The following ASTN1 variants were observed in gnomAD, a reference collection of about 807,000 sequenced individuals.
ASTN1 encodes the protein astrotactin 1.
In ASTN1, 41 loss-of-function variants were observed where a neutral mutation model predicts 140.7. That is an observed-to-expected ratio of 0.29 (90% CI 0.23 to 0.38). The LOEUF (loss-of-function observed/expected upper bound fraction) is 0.38, where lower values mean the gene tolerates loss of function less well. Ranked by LOEUF, ASTN1 falls within the 10% of genes least tolerant of loss-of-function variation. The pLI is 1.00. For synonymous variants in ASTN1, 640 were observed against 652.2 expected, an observed-to-expected ratio of 0.98 and a Z score of 0.29; for missense variants, 1,479 against 1,678.8, an observed-to-expected ratio of 0.88 and a Z score of 2.08.
chr1:177,015,698 A>AT lies in ASTN1; in HGVS notation c.1439-824dup, dbSNP rs558720236. ...CAAAACTGTATATGTGTGTATATGC[A>AT]TTTTTTTTGAGGCAGGGTCCCATAA... On this transcript the variant is annotated intron_variant, in intron 7 of 22. Transcript: ENST00000361833. Among the ~76,000 whole-genome samples the AT allele has an allele frequency of 3.9e-3, 595 of 152,048 alleles. 3 individuals are homozygous for AT. Among genetic ancestry groups the AT allele is most frequent in the Non-Finnish European group, 4.9e-3 (335 of 67,974 alleles).
At chr1:176,982,699 T>C (rs1363414286) in intron 8 of ASTN1, among the ~76,000 whole-genome samples, 6 of 152,158 alleles carry the variant, frequency 3.9e-5, no homozygotes, top group Non-Finnish European at 8.8e-5. Flanking sequence ...ATTTAGTATG[T>C]CTGATATGGG....
At chr1:176,951,275 C>T (rs1672181932) in intron 11 of ASTN1, among the ~76,000 whole-genome samples, 1 of 152,242 alleles carries the variant, frequency 6.6e-6, no homozygotes, top group East Asian at 1.9e-4. Flanking sequence ...TAGCCTCCCA[C>T]TAATCATATT....
rs562466484 is a variant in ASTN1 at position 177,109,981 on chromosome 1, T to C, written c.284-48716A>G. Among the ~76,000 whole-genome samples the C allele has an allele frequency of 2.6e-5, 4 of 152,338 alleles. No homozygotes were observed. The South Asian group carries it at 6.2e-4, about 24-fold the overall frequency. On this transcript the variant is annotated intron_variant, in intron 1 of 22. Coordinates refer to ENST00000361833, the MANE Select transcript of ASTN1 (RefSeq NM_004319.3). ...GGCATCTTTCATCTTTAATTATACTTCTGAATATTTTCCTCTTATGCTACT... is the reference window on the plus strand; with the variant it reads ...GGCATCTTTCATCTTTAATTATACTCCTGAATATTTTCCTCTTATGCTACT...
At chr1:177,112,929 T>C (rs1288000185) in intron 1 of ASTN1, among the ~76,000 whole-genome samples, 1 of 152,172 alleles carries the variant, frequency 6.6e-6, no homozygotes, top group African/African-American at 2.4e-5. Flanking sequence ...TTGTGAAGGT[T>C]CTCTTTCATA....
At position 177,046,113 on chromosome 1, in the gene ASTN1, C is replaced by T. The variant is rs905791590; in HGVS notation, c.472-13264G>A. Among the ~76,000 whole-genome samples, 9 of 152,226 alleles carry T rather than the reference C, an allele frequency of 5.9e-5. No homozygotes were observed. In the East Asian group the frequency reaches 7.8e-4, roughly 13 times the overall value. On this transcript the variant is annotated intron_variant, in intron 2 of 22. Transcript: ENST00000361833. Reference sequence around the variant, plus strand: ...AACACTGTCAGGACCAACACTTTTCCATAGTTTTTTCTGCCACCACACCAT... The same window carrying T: ...AACACTGTCAGGACCAACACTTTTCTATAGTTTTTTCTGCCACCACACCAT...
At chr1:177,080,328 T>C (rs945749574) in intron 1 of ASTN1, among the ~76,000 whole-genome samples, 8 of 144,670 alleles carry the variant, frequency 5.5e-5, no homozygotes, top group African/African-American at 2.1e-4. Flanking sequence ...CAAAATAAAA[T>C]GAGCATCAGG....
intron 3 of ASTN1, 112 bp from the exon 4 acceptor site, chr1:177,031,064 A>G: frequency 8.4e-7 from 1 of 1,191,210 alleles, no homozygotes; most frequent in South Asian, 1.8e-5. Flanking sequence ...TTGAAATAAG[A>G]CACCAGCAAA....
intron 1 of ASTN1, among the ~76,000 whole-genome samples, chr1:177,142,837 T>C (rs1340803789): frequency 7.0e-6 from 1 of 143,420 alleles, no homozygotes; most frequent in African/African-American, 2.7e-5. Flanking sequence ...TCACTAACAA[T>C]GAGAACATGC....
At chr1:176,999,466 A>G (rs1262253156) in intron 8 of ASTN1, among the ~76,000 whole-genome samples, 2 of 152,238 alleles carry the variant, frequency 1.3e-5, no homozygotes, top group African/African-American at 4.8e-5. Context: ...CTAGATGGAA[A>G]TATGTTCAAT....
chr1:177,111,339 G>A (rs896068078), intron 1 of ASTN1, among the ~76,000 whole-genome samples: 1 of 152,020 alleles, frequency 6.6e-6, no homozygotes, highest in African/African-American at 2.4e-5. Flanking sequence ...AGGCAATACC[G>A]ATGTCACCTA....
chr1:176,943,603 C>G (rs1281640353), intron 14 of ASTN1, among the ~76,000 whole-genome samples: 1 of 152,134 alleles, frequency 6.6e-6, no homozygotes, highest in East Asian at 1.9e-4. Context: ...CCTCTAATCC[C>G]CCAAGAACTC....
At chr1:177,009,446 T>A (rs1257254992) in intron 8 of ASTN1, among the ~76,000 whole-genome samples, 1 of 152,230 alleles carries the variant, frequency 6.6e-6, no homozygotes. Context: ...CCAGTCATGA[T>A]GAACACAGTC....
intron 2 of ASTN1, among the ~76,000 whole-genome samples, chr1:177,046,285 T>C (rs980803117): frequency 3.9e-5 from 6 of 152,196 alleles, no homozygotes; most frequent in African/African-American, 1.4e-4. Flanking sequence ...GACCTTATTA[T>C]AGGTCATTTA....
At chr1:177,060,660 C>A (rs1571724330) in intron 2 of ASTN1, among the ~76,000 whole-genome samples, 1 of 152,024 alleles carries the variant, frequency 6.6e-6, no homozygotes, top group East Asian at 1.9e-4. Flanking sequence ...GCAGGTGTGC[C>A]CAGCTAAGTT....
At chr1:177,035,018 G>A (rs569532445) in intron 2 of ASTN1, among the ~76,000 whole-genome samples, 9 of 152,248 alleles carry the variant, frequency 5.9e-5, no homozygotes, top group African/African-American at 2.2e-4. Context: ...GAGGTCTGAG[G>A]CATAGACTCA....
chr1:176,971,499 GA>G (rs1457392877), intron 8 of ASTN1, among the ~76,000 whole-genome samples: 1 of 152,076 alleles, frequency 6.6e-6, no homozygotes, highest in African/African-American at 2.4e-5. Context: ...TCTCTACCTG[GA>G]ATACCACCCC....
intron 6 of ASTN1, 127 bp downstream of exon 6, chr1:177,024,456 A>T (rs966033502): frequency 6.6e-6 from 8 of 1,214,334 alleles, no homozygotes; most frequent in South Asian, 1.6e-5. Flanking sequence ...ATCCTTACTT[A>T]TTTCAGTTTG....
At chr1:176,883,725 G>A (rs1037999160) in intron 19 of ASTN1, among the ~76,000 whole-genome samples, 2 of 152,166 alleles carry the variant, frequency 1.3e-5, no homozygotes, top group African/African-American at 4.8e-5. Context: ...TCCTGCTGGT[G>A]ACCACATCCC....
intron 11 of ASTN1, among the ~76,000 whole-genome samples, chr1:176,956,029 C>A (rs1475467675): frequency 6.6e-6 from 1 of 152,120 alleles, no homozygotes; most frequent in Non-Finnish European, 1.5e-5. Flanking sequence ...GAAATTGTCT[C>A]CTGAGGATCC....
Sources: allele counts gnomAD v4.1 joint callset (sites outside exome capture counted in the v4.1 genomes callset), GRCh38; gene constraint gnomAD v4.1.1; transcripts MANE v1.5; gene names NCBI Gene and HGNC (gene_info 2026-07-23, HGNC 2026-07-21).